Variants in NEDD4L observed in about 807,000 individuals in gnomAD.
The protein encoded by NEDD4L is NEDD4 like E3 ubiquitin protein ligase.
A neutral mutation model predicts 148.9 loss-of-function variants in NEDD4L; 54 were observed. The observed-to-expected ratio is 0.36, with a 90% CI of 0.29 to 0.45. The LOEUF (loss-of-function observed/expected upper bound fraction) is 0.45. NEDD4L is among the 20% of genes least tolerant of loss of function. NEDD4L has a pLI of 1.00. For synonymous variants in NEDD4L, 433 were observed against 440.7 expected (o/e 0.98, Z 0.22); for missense variants, 856 against 1,233.8 (o/e 0.69, Z 4.59).
At chr18:58,185,644 C>G (rs1196609598) in intron 2 of NEDD4L, among the ~76,000 whole-genome samples, 1 of 152,102 alleles carries the variant, frequency 6.6e-6, no homozygotes, top group African/African-American at 2.4e-5. Context: ...GAGGCCTAGG[C>G]GGGTGGATCA....
chr18:58,244,300 A>G (rs1361031929), intron 2 of NEDD4L, among the ~76,000 whole-genome samples: 1 of 152,226 alleles, frequency 6.6e-6, no homozygotes, highest in African/African-American at 2.4e-5. Flanking sequence ...GAGATTGAAT[A>G]CATGAGAGCC....
intron 5 of NEDD4L, among the ~76,000 whole-genome samples, chr18:58,292,127 C>T (rs1173332342): frequency 7.8e-6 from 1 of 127,440 alleles, no homozygotes; most frequent in South Asian, 2.3e-4. Context: ...TTTGGGTGCC[C>T]TCTGAGGCGT....
rs560684070 is a variant in NEDD4L at position 58,305,881 on chromosome 18, C to CT, written c.298-10098dup. Among the ~76,000 whole-genome samples, 133 of 152,236 alleles carry CT rather than the reference C, an allele frequency of 8.7e-4. 2 individuals are homozygous for CT. In the South Asian group the frequency reaches 0.013, roughly 15 times the overall value. ...GAGGGGAGGGAGCCGGGAGACTTAGCTTTAACTACTTAGAAGTTTTCAGGG... is the reference window on the plus strand; with the variant it reads ...GAGGGGAGGGAGCCGGGAGACTTAGCTTTTAACTACTTAGAAGTTTTCAGGG... On this transcript the variant is annotated intron_variant, in intron 5 of 30. Coordinates refer to ENST00000400345, the MANE Select transcript of NEDD4L (RefSeq NM_001144967.3).
chr18:58,324,192 A>G (rs1001908746), intron 8 of NEDD4L, among the ~76,000 whole-genome samples: 4 of 152,244 alleles, frequency 2.6e-5, no homozygotes, highest in African/African-American at 7.2e-5. Context: ...ACAGATTTTC[A>G]TCTCAAATCC....
chr18:58,333,753 A>C, intron 11 of NEDD4L, 65 bp from the exon 12 acceptor site: 1 of 1,141,132 alleles, frequency 8.8e-7, no homozygotes, highest in Non-Finnish European at 1.3e-6. Context: ...ATGTTTGTTA[A>C]ACCAATGAAA....
chr18:58,166,985 T>C (rs2036927651), intron 2 of NEDD4L, among the ~76,000 whole-genome samples: 1 of 152,228 alleles, frequency 6.6e-6, no homozygotes, highest in Non-Finnish European at 1.5e-5. Flanking sequence ...TGATCATGCA[T>C]GATTGAGTTT....
At chr18:58,156,767 G>C (rs531797756) in intron 1 of NEDD4L, among the ~76,000 whole-genome samples, 1 of 152,076 alleles carries the variant, frequency 6.6e-6, no homozygotes, top group Non-Finnish European at 1.5e-5. Flanking sequence ...CTGCATGCTC[G>C]CTCCTTGGGT....
chr18:58,341,857 C>A (rs1410344780), intron 15 of NEDD4L, 60 bp downstream of exon 15: 2 of 1,560,568 alleles, frequency 1.3e-6, no homozygotes, highest in East Asian at 4.8e-5. Context: ...ATTCTTTCTT[C>A]TCTCTTAACT....
chr18:58,377,393 T>C (rs1275381249), intron 24 of NEDD4L, among the ~76,000 whole-genome samples: 1 of 152,000 alleles, frequency 6.6e-6, no homozygotes, highest in African/African-American at 2.4e-5. Flanking sequence ...GTTTCAACCT[T>C]CTTTTTTTTT....
intron 5 of NEDD4L, among the ~76,000 whole-genome samples, chr18:58,295,618 T>G (rs962546147): frequency 6.6e-6 from 1 of 152,284 alleles, no homozygotes; most frequent in East Asian, 1.9e-4. Flanking sequence ...ATTTAAAATA[T>G]CTCAGTGATC....
intron 2 of NEDD4L, among the ~76,000 whole-genome samples, chr18:58,231,980 C>T (rs1320597277): frequency 6.6e-6 from 1 of 152,206 alleles, no homozygotes; most frequent in South Asian, 2.1e-4. Flanking sequence ...AGGTCTGACT[C>T]CATGGCTATT....
chr18:58,266,150 T>C (rs1463574953), intron 5 of NEDD4L, among the ~76,000 whole-genome samples: 2 of 152,080 alleles, frequency 1.3e-5, no homozygotes, highest in Non-Finnish European at 2.9e-5. Flanking sequence ...TATATGTGCA[T>C]ATAACCATTT....
chr18:58,179,967 C>A (rs944775105), intron 2 of NEDD4L, among the ~76,000 whole-genome samples: 3 of 152,290 alleles, frequency 2.0e-5, no homozygotes, highest in Middle Eastern at 3.4e-3. Flanking sequence ...AAAACCAGTC[C>A]CTGGTGCCAA....
intron 1 of NEDD4L, among the ~76,000 whole-genome samples, chr18:58,140,731 C>G (rs1286776085): frequency 4.6e-5 from 7 of 152,142 alleles, no homozygotes; most frequent in Admixed American, 2.6e-4. Context: ...GTCATCTGTC[C>G]TGTTGGTGGC....
chr18:58,277,264 C>T (rs2052260673), intron 5 of NEDD4L, among the ~76,000 whole-genome samples: 1 of 151,644 alleles, frequency 6.6e-6, no homozygotes, highest in South Asian at 2.1e-4. Flanking sequence ...AAAAAATGCT[C>T]TGCTGAAAAC....
intron 1 of NEDD4L, among the ~76,000 whole-genome samples, chr18:58,107,087 T>G (rs1408107743): frequency 6.6e-6 from 1 of 152,200 alleles, no homozygotes; most frequent in African/African-American, 2.4e-5. Flanking sequence ...CCTTCTTGCT[T>G]CTTCACATGG....
chr18:58,256,360 G>T lies in NEDD4L; in HGVS notation c.297+4306G>T. 8.1e-7 allele frequency: 1 copy of T among 1,232,266 alleles called. No individual in the cohort carries two copies. Among genetic ancestry groups the T allele is most frequent in the Non-Finnish European group, 1.0e-6 (1 of 988,038 alleles). 76.3% of individuals were successfully genotyped at this position (1,232,266 alleles called of 1,614,324 possible). A position where few individuals can be genotyped will look rare whatever the true frequency, so the allele number is the denominator to read the frequency against. The stretch of plus-strand genomic sequence containing the variant: ...ATGCTTCTGGAAGCTCTGGGAAGCG[G>T]TGTTTTGTCTTCCAGTTGCAGCAGC... On this transcript the variant is annotated intron_variant, in intron 5 of 30. Coordinates refer to ENST00000400345, the MANE Select transcript of NEDD4L (RefSeq NM_001144967.3). This position sits in a 1 kb window ranked among gnomAD's most constrained non-coding sequence, Gnocchi z 5.2.
At chr18:58,308,935 C>T (rs1205638713) in intron 5 of NEDD4L, among the ~76,000 whole-genome samples, 3 of 152,202 alleles carry the variant, frequency 2.0e-5, no homozygotes, top group African/African-American at 4.8e-5. Context: ...GCTGGGACAC[C>T]GCACCTTCCG....
At chr18:58,089,756 G>A (rs943230337) in intron 1 of NEDD4L, among the ~76,000 whole-genome samples, 2 of 151,940 alleles carry the variant, frequency 1.3e-5, no homozygotes, top group Non-Finnish European at 1.5e-5. Context: ...ATGAGGGTTG[G>A]TTTCTCTGAG....
Sources: allele counts gnomAD v4.1 joint callset (sites outside exome capture counted in the v4.1 genomes callset), GRCh38; gene constraint gnomAD v4.1.1; non-coding constraint Gnocchi (gnomAD v3.1); transcripts MANE v1.5; gene names NCBI Gene and HGNC (gene_info 2026-07-23, HGNC 2026-07-21).